TRAPPC10: variants seen among roughly 807,000 people sequenced by gnomAD.
TRAPPC10 encodes the protein TRAPP 130 kDa subunit.
Under a neutral mutation model 125.5 loss-of-function variants are expected in TRAPPC10, and 23 were observed. The ratio of observed to expected loss-of-function variants is 0.18; its 90% CI spans 0.13 to 0.26. TRAPPC10 has a LOEUF of 0.26. Among genes scored for constraint, TRAPPC10 ranks in the 10% least tolerant of loss-of-function variants. The pLI is 1.00. For synonymous variants in TRAPPC10, 509 were observed against 518.0 expected (o/e 0.98, Z 0.24); for missense variants, 1,123 against 1,308.4 (o/e 0.86, Z 2.19).
At chr21:44,067,887 C>T (rs777219089) in intron 7 of TRAPPC10, among the ~76,000 whole-genome samples, 2 of 151,934 alleles carry the variant, frequency 1.3e-5, no homozygotes, top group Non-Finnish European at 2.9e-5. Context: ...TTTGGGAGGT[C>T]GAGGTGGGCG....
intron 1 of TRAPPC10, among the ~76,000 whole-genome samples, chr21:44,017,805 C>T (rs991547844): frequency 1.3e-5 from 2 of 151,630 alleles, no homozygotes; most frequent in East Asian, 1.9e-4. Context: ...TGTTTTGCGA[C>T]GATAATGATG....
At chr21:44,017,848 TG>T (rs1038540368) in intron 1 of TRAPPC10, among the ~76,000 whole-genome samples, 2 of 152,142 alleles carry the variant, frequency 1.3e-5, no homozygotes, top group Non-Finnish European at 2.9e-5. Flanking sequence ...GATCTGATGT[TG>T]ACACTGTGAA....
intron 1 of TRAPPC10, among the ~76,000 whole-genome samples, chr21:44,018,742 C>T (rs889977314): frequency 5.3e-5 from 8 of 151,538 alleles, no homozygotes; most frequent in African/African-American, 1.9e-4. Flanking sequence ...ACCAGTCTTT[C>T]CTTAGAGAGT....
intron 7 of TRAPPC10, among the ~76,000 whole-genome samples, chr21:44,072,813 GT>G (rs2036978344): frequency 6.6e-6 from 1 of 152,204 alleles, no homozygotes; most frequent in Non-Finnish European, 1.5e-5. Flanking sequence ...GGAGGTGCCT[GT>G]TTACAGAAGC....
rs1157475447 is a variant in TRAPPC10, at chr21:44,063,628, A to C, written c.881A>C (p.Glu294Ala). 6.8e-6 allele frequency: 11 copies of C among 1,614,118 alleles called. No individual in the cohort carries two copies. Among genetic ancestry groups the C allele is most frequent in the African/African-American group, 1.3e-5 (1 of 74,940 alleles). The change falls in exon 7 of 23, where the codon GAA (glutamate) becomes GCA (alanine). Residue 294 changes from glutamate to alanine, a missense_variant. Coordinates refer to ENST00000291574, the MANE Select transcript of TRAPPC10 (RefSeq NM_003274.5). The surrounding 1 kb of genome is among the most constrained non-coding windows in gnomAD (Gnocchi z 4.4). Reference sequence around the variant, plus strand: ...AAACCCATAGATATGGAGAAGCGGGAATCGATCCAGAGGCGAGAAGCCACC... The same window carrying C: ...AAACCCATAGATATGGAGAAGCGGGCATCGATCCAGAGGCGAGAAGCCACC... Reference protein sequence around the residue: ...LRKPIDMEKRESIQRREATLL... With the variant: ...LRKPIDMEKRASIQRREATLL...
intron 7 of TRAPPC10, among the ~76,000 whole-genome samples, chr21:44,067,001 C>A (rs747868081): frequency 6.6e-6 from 1 of 152,192 alleles, no homozygotes; most frequent in Non-Finnish European, 1.5e-5. Flanking sequence ...GTGTTTGTTA[C>A]AATGATTGCC....
intron 3 of TRAPPC10, among the ~76,000 whole-genome samples, chr21:44,045,877 G>T (rs1160607682): frequency 6.6e-6 from 1 of 151,688 alleles, no homozygotes; most frequent in East Asian, 1.9e-4. Flanking sequence ...TCTTTATATT[G>T]GTTTTTAACA....
intron 2 of TRAPPC10, 36 bp downstream of exon 2, chr21:44,032,208 T>G (rs1221827492): frequency 6.5e-7 from 1 of 1,532,720 alleles, no homozygotes. Flanking sequence ...TATCCCTCTC[T>G]TCATTTTTTA....
chr21:44,032,561 T>C, intron 2 of TRAPPC10, among the ~76,000 whole-genome samples: 1 of 152,118 alleles, frequency 6.6e-6, no homozygotes, highest in East Asian at 1.9e-4. Flanking sequence ...TTTTGTAGTT[T>C]TAGTAGAGAC....
chr21:44,087,998 A>G lies in TRAPPC10; in HGVS notation c.2769+70A>G, dbSNP rs915841638. 3 of 1,335,760 alleles carry G rather than the reference A, an allele frequency of 2.2e-6. No individual in the cohort carries two copies. Among genetic ancestry groups the G allele is most frequent in the African/African-American group, 2.9e-5 (2 of 68,878 alleles). 82.7% of individuals were successfully genotyped at this position (1,335,760 alleles called of 1,614,324 possible). A position where few individuals can be genotyped will look rare whatever the true frequency, so the allele number is the denominator to read the frequency against. On this transcript the variant is annotated intron_variant, in intron 17 of 22. Coordinates refer to ENST00000291574, the MANE Select transcript of TRAPPC10 (RefSeq NM_003274.5). This position sits in a 1 kb window ranked among gnomAD's most constrained non-coding sequence, Gnocchi z 4.6. Reference sequence around the variant, plus strand: ...GCCCGCCTGCCTGCTGGGAAAGGCGATGTAGCGATGCCTGCTGTTAGCCTG... The same window carrying G: ...GCCCGCCTGCCTGCTGGGAAAGGCGGTGTAGCGATGCCTGCTGTTAGCCTG...
At chr21:44,021,122 T>C (rs1213811612) in intron 1 of TRAPPC10, among the ~76,000 whole-genome samples, 4 of 152,214 alleles carry the variant, frequency 2.6e-5, no homozygotes, top group Admixed American at 1.3e-4. Context: ...AAAATTAAAT[T>C]CCTATTCTGA....
chr21:44,089,257 A>T, intron 17 of TRAPPC10: 1 of 340,930 alleles, frequency 2.9e-6, no homozygotes, highest in South Asian at 2.2e-5. Context: ...GTGCTGGGGT[A>T]TTCACCTCTT....
rs2038214484 is a variant in TRAPPC10, at chr21:44,087,400, G to T, written c.2540-299G>T. ...CCCCTGGGGTGGGGGTGGATCTGCG[G>T]ATGAGCTGGAACGGGAGAAAGTCAT... On this transcript the variant is annotated intron_variant, in intron 16 of 22. Coordinates refer to ENST00000291574, the MANE Select transcript of TRAPPC10 (RefSeq NM_003274.5). The surrounding 1 kb of genome is among the most constrained non-coding windows in gnomAD (Gnocchi z 4.6). Among the ~76,000 whole-genome samples the T allele has an allele frequency of 6.6e-6, 1 of 152,214 alleles. No individual in the cohort carries two copies. The highest frequency in any genetic ancestry group is 1.5e-5 in the Non-Finnish European group (1 of 68,022).
At chr21:44,027,833 T>C (rs1245527704) in intron 1 of TRAPPC10, among the ~76,000 whole-genome samples, 1 of 152,122 alleles carries the variant, frequency 6.6e-6, no homozygotes, top group Non-Finnish European at 1.5e-5. Flanking sequence ...AAGGGATTAG[T>C]GCCCTTATAA....
At chr21:44,049,899 A>G (rs1257693353) in intron 3 of TRAPPC10, among the ~76,000 whole-genome samples, 1 of 142,892 alleles carries the variant, frequency 7.0e-6, no homozygotes, top group Non-Finnish European at 1.5e-5. Flanking sequence ...GTTTTTTTTG[A>G]GATGGAGTCT....
At chr21:44,014,448 C>T (rs948200312) in intron 1 of TRAPPC10, among the ~76,000 whole-genome samples, 3 of 151,712 alleles carry the variant, frequency 2.0e-5, no homozygotes, top group Non-Finnish European at 4.4e-5. Flanking sequence ...GGCTGGAGTG[C>T]AGTGGCATGA....
At chr21:44,070,921 G>A (rs1169797449) in intron 7 of TRAPPC10, among the ~76,000 whole-genome samples, 3 of 152,190 alleles carry the variant, frequency 2.0e-5, no homozygotes, top group African/African-American at 7.2e-5. Context: ...TCATCCCTCC[G>A]TTGAGGCAGG....
chr21:44,075,972 C>G (rs1012477951), intron 9 of TRAPPC10, among the ~76,000 whole-genome samples: 2 of 151,910 alleles, frequency 1.3e-5, no homozygotes, highest in Admixed American at 1.3e-4. Flanking sequence ...TCGCTTGAAC[C>G]TGGGAGGTGG....
intron 20 of TRAPPC10, among the ~76,000 whole-genome samples, 170 bp downstream of exon 20, chr21:44,094,403 C>A (rs888438701): frequency 6.6e-6 from 1 of 152,134 alleles, no homozygotes; most frequent in African/African-American, 2.4e-5. Context: ...TATTTTAGAA[C>A]CCCAGGTCCT....
Sources: gnomAD v4.1 joint callset for allele counts (sites outside exome capture counted in the v4.1 genomes callset) on GRCh38, gnomAD v4.1.1 for gene constraint, Gnocchi (gnomAD v3.1) non-coding constraint, MANE v1.5 for transcripts, NCBI Gene and HGNC (gene_info 2026-07-23, HGNC 2026-07-21) for gene names.